The following CAMK4 variants were observed in gnomAD, a reference collection of about 807,000 sequenced individuals.
The protein encoded by CAMK4 is calcium/calmodulin dependent protein kinase IV, also known as calcium/calmodulin-dependent protein kinase type IV.
Under a neutral mutation model 44.9 loss-of-function variants are expected in CAMK4, and 22 were observed. The ratio of observed to expected loss-of-function variants is 0.49; its 90% CI spans 0.35 to 0.70. The LOEUF is 0.70. Among genes scored for constraint, CAMK4 ranks in the 30% least tolerant of loss-of-function variants. CAMK4 has a pLI of 0.01. For synonymous variants in CAMK4, 218 were observed against 215.4 expected (o/e 1.01, Z -0.11); for missense variants, 498 against 586.8 (o/e 0.85, Z 1.56).
rs1755813635 is a variant in CAMK4, at chr5:111,491,132, A to G, written c.*6666A>G. The G allele has an allele frequency of 6.6e-6, 1 of 152,216 alleles. No homozygotes were observed. The highest frequency in any genetic ancestry group is 6.5e-5 in the Admixed American group (1 of 15,280). 9.4% of individuals were successfully genotyped at this position (152,216 alleles called of 1,614,324 possible). Reference sequence around the variant, plus strand: ...AGAGTAATTTCCACATAATTCCCCAAGAACTGAACTCAAATCTCCAAAAAT... The same window carrying G: ...AGAGTAATTTCCACATAATTCCCCAGGAACTGAACTCAAATCTCCAAAAAT... On this transcript the variant is annotated 3_prime_UTR_variant, in exon 11 of 11. Coordinates refer to ENST00000282356, the MANE Select transcript of CAMK4 (RefSeq NM_001744.6).
intron 1 of CAMK4, among the ~76,000 whole-genome samples, chr5:111,319,536 T>C (rs2112690413): frequency 6.6e-6 from 1 of 152,324 alleles, no homozygotes; most frequent in South Asian, 2.1e-4. Context: ...GGCTGTGTGC[T>C]AGGCACCTGG....
chr5:111,466,523 C>T (rs1754841547), intron 7 of CAMK4, among the ~76,000 whole-genome samples: 1 of 152,068 alleles, frequency 6.6e-6, no homozygotes, highest in South Asian at 2.1e-4. Context: ...AATTAATGTA[C>T]ACAAATCAGT....
intron 1 of CAMK4, among the ~76,000 whole-genome samples, chr5:111,332,513 T>A (rs1048697114): frequency 6.6e-6 from 1 of 151,578 alleles, no homozygotes; most frequent in African/African-American, 2.4e-5. Context: ...AAGTCTTTGC[T>A]ATTGTGAGTA....
chr5:111,427,586 G>A (rs1753273774), intron 5 of CAMK4, among the ~76,000 whole-genome samples: 2 of 152,348 alleles, frequency 1.3e-5, no homozygotes, highest in South Asian at 4.1e-4. Flanking sequence ...TGGGCCTTAA[G>A]GGAACATTGG....
In CAMK4 at chr5:111,494,082, C is replaced by A. The variant is rs532483102; in HGVS notation, c.*9616C>A. On this transcript the variant is annotated 3_prime_UTR_variant, in exon 11 of 11. Coordinates refer to ENST00000282356, the MANE Select transcript of CAMK4 (RefSeq NM_001744.6). ...CCTGGGTTGCTGAAAGCTTTCTGGACTAAAAGGATATAAGCAGCTCAATAG... is the reference window on the plus strand; with the variant it reads ...CCTGGGTTGCTGAAAGCTTTCTGGAATAAAAGGATATAAGCAGCTCAATAG... The A allele has an allele frequency of 1.4e-4, 22 of 152,060 alleles. No homozygotes were observed. The highest frequency in any genetic ancestry group is 1.3e-4 in the Admixed American group (2 of 15,252). The allele number at this position is 152,060 out of a possible 1,614,324, so 9.4% of individuals were successfully genotyped here.
intron 1 of CAMK4, among the ~76,000 whole-genome samples, chr5:111,246,809 AG>A (rs1299521453): frequency 2.6e-5 from 4 of 152,224 alleles, no homozygotes; most frequent in Non-Finnish European, 4.4e-5. Flanking sequence ...TATGTCATTC[AG>A]GGTCTACTTT....
chr5:111,281,712 A>C (rs920373185), intron 1 of CAMK4, among the ~76,000 whole-genome samples: 1 of 152,216 alleles, frequency 6.6e-6, no homozygotes, highest in East Asian at 1.9e-4. Context: ...TCAAGATAGA[A>C]GATGAAAGAA....
chr5:111,473,424 C>T (rs914073535), intron 8 of CAMK4, 38 bp downstream of exon 8: 22 of 1,309,660 alleles, frequency 1.7e-5, no homozygotes, highest in South Asian at 6.1e-5. Context: ...AAACTATTTA[C>T]CTTGCTGTGA....
At chr5:111,448,148 C>A (rs6594512) in intron 6 of CAMK4, among the ~76,000 whole-genome samples, 125,010 of 152,196 alleles carry the variant, frequency 0.82, 51,887 homozygotes, top group African/African-American at 0.9. Flanking sequence ...TGAGTGCAAG[C>A]GATATAGCTC....
intron 1 of CAMK4, among the ~76,000 whole-genome samples, chr5:111,319,463 T>A (rs929892357): frequency 2.0e-5 from 3 of 152,192 alleles, no homozygotes; most frequent in African/African-American, 7.2e-5. Flanking sequence ...TGGGTTGTTG[T>A]GATTATTATA....
At chr5:111,231,569 G>A (rs1673966681) in intron 1 of CAMK4, among the ~76,000 whole-genome samples, 2 of 152,182 alleles carry the variant, frequency 1.3e-5, no homozygotes, top group Non-Finnish European at 2.9e-5. Flanking sequence ...CAACAACAAG[G>A]AGATTGATAG....
chr5:111,422,231 A>G (rs572432822), intron 5 of CAMK4, among the ~76,000 whole-genome samples: 1 of 152,318 alleles, frequency 6.6e-6, no homozygotes, highest in Admixed American at 6.5e-5. Flanking sequence ...TTCCCTTCAT[A>G]TAGATGATCT....
intron 1 of CAMK4, among the ~76,000 whole-genome samples, chr5:111,315,225 C>T (rs1039401628): frequency 3.3e-5 from 5 of 152,026 alleles, no homozygotes; most frequent in African/African-American, 4.8e-5. Context: ...AAAGTCATTG[C>T]TTGCACAGAT....
intron 1 of CAMK4, among the ~76,000 whole-genome samples, chr5:111,322,542 A>G (rs1159229712): frequency 2.0e-5 from 3 of 152,146 alleles, no homozygotes; most frequent in East Asian, 1.9e-4. Context: ...TTAAAAGTAG[A>G]TAACATAATC....
chr5:111,330,419 G>A (rs1209017687), intron 1 of CAMK4, among the ~76,000 whole-genome samples: 2 of 151,574 alleles, frequency 1.3e-5, no homozygotes, highest in African/African-American at 2.4e-5. Context: ...TCTCCAAATT[G>A]ATCTATAGAT....
At chr5:111,250,771 C>T (rs1391143468) in intron 1 of CAMK4, among the ~76,000 whole-genome samples, 1 of 152,160 alleles carries the variant, frequency 6.6e-6, no homozygotes, top group Non-Finnish European at 1.5e-5. Flanking sequence ...TGCGAGGCAA[C>T]ATCCAATTCT....
At chr5:111,309,608 C>G (rs1258966833) in intron 1 of CAMK4, among the ~76,000 whole-genome samples, 2 of 152,088 alleles carry the variant, frequency 1.3e-5, no homozygotes, top group African/African-American at 4.8e-5. Context: ...ATCCTCCTGG[C>G]TTTTTCTCTG....
chr5:111,277,869 A>G (rs1370191516), intron 1 of CAMK4, among the ~76,000 whole-genome samples: 1 of 152,216 alleles, frequency 6.6e-6, no homozygotes, highest in Non-Finnish European at 1.5e-5. Context: ...TTATTGGTAT[A>G]TAAATATAAA....
chr5:111,443,461 C>T (rs1254534112), intron 5 of CAMK4, among the ~76,000 whole-genome samples: 2 of 150,542 alleles, frequency 1.3e-5, no homozygotes, highest in Non-Finnish European at 3.0e-5. Context: ...AGATCATGAC[C>T]TTTAGCATTT....
Sources: gnomAD v4.1 joint callset for allele counts (sites outside exome capture counted in the v4.1 genomes callset) on GRCh38, gnomAD v4.1.1 for gene constraint, MANE v1.5 for transcripts, NCBI Gene and HGNC (gene_info 2026-07-23, HGNC 2026-07-21) for gene names.